TCAIM: variants seen among roughly 807,000 people sequenced by gnomAD.
The protein encoded by TCAIM is T-cell activation inhibitor, mitochondrial.
TCAIM carries 36 observed loss-of-function variants against 58.6 expected under a neutral mutation model. The ratio of observed to expected loss-of-function variants is 0.61; its 90% CI spans 0.47 to 0.81. The LOEUF (loss-of-function observed/expected upper bound fraction) is 0.81, where lower values mean the gene tolerates loss of function less well. TCAIM is among the 30% of genes least tolerant of loss of function. The pLI is 0.00. For missense variants in TCAIM, 466 were observed against 579.6 expected (o/e 0.80, Z 2.01); for synonymous variants, 172 against 193.6 (o/e 0.89, Z 0.93).
chr3:44,394,680 G>T (rs932433161), intron 6 of TCAIM, among the ~76,000 whole-genome samples: 1 of 151,096 alleles, frequency 6.6e-6, no homozygotes, highest in Non-Finnish European at 1.5e-5. Flanking sequence ...CAGATCACGA[G>T]GTCAGGAGTT....
At chr3:44,361,642 G>T (rs1701297744) in intron 4 of TCAIM, 124 bp downstream of exon 4, 2 of 997,902 alleles carry the variant, frequency 2.0e-6, no homozygotes, top group African/African-American at 3.3e-5. Context: ...GCATTTAATT[G>T]ATTGTTTTCC....
intron 5 of TCAIM, among the ~76,000 whole-genome samples, chr3:44,377,712 G>C (rs1701588558): frequency 6.6e-6 from 1 of 152,204 alleles, no homozygotes; most frequent in South Asian, 2.1e-4. Context: ...ATCAACAACA[G>C]AAGTAAAACT....
rs759335497 is a variant in TCAIM at position 44,400,430 on chromosome 3, T to A, written c.961T>A (p.Leu321Ile). 6.2e-7 allele frequency: 1 copy of A among 1,613,862 alleles called. No individual in the cohort carries two copies. The highest frequency in any genetic ancestry group is 8.5e-7 in the Non-Finnish European group (1 of 1,179,890). ...MILEDQISYL[L>I]GGIQVVYIEE... is the part of the protein sequence containing the mutation. Reference sequence around the variant, plus strand: ...TTTAGAAGACCAAATAAGCTATCTTTTAGGTGGCATACAAGTTGTTTATAT... The same window carrying A: ...TTTAGAAGACCAAATAAGCTATCTTATAGGTGGCATACAAGTTGTTTATAT... The change falls in exon 9 of 11, where the codon TTA becomes ATA. Residue 321 changes from leucine to isoleucine, a missense_variant. Leu to Ile is a conservative substitution (Grantham distance 5, BLOSUM62 2). Transcript: ENST00000342649.
At chr3:44,367,114 T>C (rs1701392107) in intron 4 of TCAIM, among the ~76,000 whole-genome samples, 1 of 152,152 alleles carries the variant, frequency 6.6e-6, no homozygotes, top group Non-Finnish European at 1.5e-5. Flanking sequence ...TTCTCTCTCT[T>C]AAGAGACCAG....
At chr3:44,338,153 G>A (rs1225152439), upstream of TCAIM, 1 of 152,650 alleles carries the variant, frequency 6.6e-6, no homozygotes, top group East Asian at 1.9e-4. Context: ...TCTTCCCCAA[G>A]ATCCAGCGCG....
At chr3:44,397,553 C>T (rs1229286617) in intron 8 of TCAIM, among the ~76,000 whole-genome samples, 7 of 152,124 alleles carry the variant, frequency 4.6e-5, no homozygotes, top group African/African-American at 1.4e-4. Flanking sequence ...AACATAGGGT[C>T]GTATCACTTT....
intron 5 of TCAIM, among the ~76,000 whole-genome samples, chr3:44,371,104 G>T (rs1701462188): frequency 6.6e-6 from 1 of 151,674 alleles, no homozygotes; most frequent in African/African-American, 2.4e-5. Flanking sequence ...TAGAGACGGG[G>T]TTTCACCATG....
upstream of TCAIM, chr3:44,338,241 C>T (rs1374081153): frequency 6.6e-6 from 1 of 152,420 alleles, no homozygotes; most frequent in Non-Finnish European, 1.5e-5. Flanking sequence ...TTTTCCGAGT[C>T]CCTCCGGCCT....
intron 4 of TCAIM, among the ~76,000 whole-genome samples, chr3:44,366,701 T>C (rs911390025): frequency 6.6e-6 from 1 of 151,680 alleles, no homozygotes; most frequent in Admixed American, 6.6e-5. Flanking sequence ...CTCCTGACCT[T>C]GTGATCCGCC....
intron 9 of TCAIM, 126 bp from the exon 10 acceptor site, chr3:44,401,077 C>A: frequency 7.4e-7 from 1 of 1,355,748 alleles, no homozygotes; most frequent in Non-Finnish European, 9.9e-7. Context: ...GTCAATGTTG[C>A]TGTACTTTTG....
chr3:44,378,383 C>A (rs1370092851), intron 5 of TCAIM, among the ~76,000 whole-genome samples: 1 of 151,360 alleles, frequency 6.6e-6, no homozygotes, highest in African/African-American at 2.4e-5. Context: ...CTGTCCCCAA[C>A]CCTACCCCCC....
At position 44,358,118 on chromosome 3, in the gene TCAIM, T is replaced by C. The variant is rs981955906; in HGVS notation, c.165+242T>C. The C allele has an allele frequency of 4.1e-6, 6 of 1,461,712 alleles. No individual in the cohort carries two copies. In the East Asian group the frequency reaches 1.5e-4, roughly 35 times the overall value. The allele number at this position is 1,461,712 out of a possible 1,614,324, so 90.5% of individuals were successfully genotyped here. On this transcript the variant is annotated intron_variant, in intron 3 of 10. Transcript: ENST00000342649. ...AAACTCTTTAGAGTACTAGTAATCA[T>C]GTTTTTGGTACCAATTTTTGAAGTA...
At chr3:44,343,373 C>G (rs1482882338) in intron 1 of TCAIM, among the ~76,000 whole-genome samples, 1 of 151,966 alleles carries the variant, frequency 6.6e-6, no homozygotes, top group Non-Finnish European at 1.5e-5. Flanking sequence ...TAGATCAGCA[C>G]AATCCAATAA....
At chr3:44,352,134 G>A (rs1160588386) in intron 1 of TCAIM, among the ~76,000 whole-genome samples, 1 of 150,458 alleles carries the variant, frequency 6.6e-6, no homozygotes, top group Non-Finnish European at 1.5e-5. Flanking sequence ...TACTTAAAAT[G>A]TGACAGAATA....
chr3:44,353,780 T>G (rs1701139478), intron 1 of TCAIM, among the ~76,000 whole-genome samples: 1 of 152,210 alleles, frequency 6.6e-6, no homozygotes, highest in South Asian at 2.1e-4. Context: ...GTTGCTTGTT[T>G]TCTCATTGTT....
chr3:44,347,121 C>T (rs1031631702), intron 1 of TCAIM, among the ~76,000 whole-genome samples: 1 of 152,004 alleles, frequency 6.6e-6, no homozygotes, highest in African/African-American at 2.4e-5. Context: ...TAGCCAGACA[C>T]GATCAGCAGG....
chr3:44,373,763 G>A (rs550353206), intron 5 of TCAIM, among the ~76,000 whole-genome samples: 42 of 152,208 alleles, frequency 2.8e-4, no homozygotes, highest in African/African-American at 9.4e-4. Context: ...ATGCTGTTCC[G>A]TGTTGTCAAT....
chr3:44,343,578 C>T (rs1700900382), intron 1 of TCAIM, among the ~76,000 whole-genome samples: 1 of 152,162 alleles, frequency 6.6e-6, no homozygotes, highest in South Asian at 2.1e-4. Context: ...AAGCTTAACA[C>T]ATCTCTATTT....
At position 44,357,787 on chromosome 3, in the gene TCAIM, G is replaced by C; in HGVS notation, c.76G>C (p.Ala26Pro). Reference protein sequence around the residue: ...IFPHWFPFSRALSGAEAVNAL... With the variant: ...IFPHWFPFSRPLSGAEAVNAL... ...TCCACACTGGTTTCCCTTTTCAAGA[G>C]CTTTATCGGGAGCTGAAGCAGTCAA... Residue 26 changes from alanine (A) to proline (P), a missense_variant, in exon 3 of 11, where the codon GCT becomes CCT. Coordinates refer to ENST00000342649, the MANE Select transcript of TCAIM (RefSeq NM_173826.4). The C allele has an allele frequency of 6.2e-7, 1 of 1,614,126 alleles. No homozygotes were observed.
Sources: gnomAD v4.1 joint callset for allele counts (sites outside exome capture counted in the v4.1 genomes callset) on GRCh38, gnomAD v4.1.1 for gene constraint, MANE v1.5 for transcripts, NCBI Gene and HGNC (gene_info 2026-07-23, HGNC 2026-07-21) for gene names.